The following SLC12A6 variants were observed in gnomAD, a reference collection of about 807,000 sequenced individuals.
SLC12A6 encodes K-Cl cotransporter 3.
SLC12A6 carries 66 observed loss-of-function variants against 135.3 expected under a neutral mutation model. The observed-to-expected ratio is 0.49, with a 90% confidence interval of 0.40 to 0.60. SLC12A6 has a LOEUF of 0.60. Among genes scored for constraint, SLC12A6 ranks in the 20% least tolerant of loss-of-function variants. The pLI, the probability that SLC12A6 is intolerant of heterozygous loss-of-function variation, is 0.00. For missense variants in SLC12A6, 1,058 were observed against 1,452.3 expected, an observed-to-expected ratio of 0.73 and a Z score of 4.41; for synonymous variants, 513 against 508.8, an observed-to-expected ratio of 1.01 and a Z score of -0.11.
Position 34,233,264 on chromosome 15 carries a change from A to G in SLC12A6, c.*617T>C, listed in dbSNP as rs1891053198. The G allele has an allele frequency of 6.4e-6, 1 of 155,346 alleles. No homozygotes were observed. The highest frequency in any genetic ancestry group is 1.4e-5 in the Non-Finnish European group (1 of 69,938). The allele number at this position is 155,346 out of a possible 1,614,324, so 9.6% of individuals were successfully genotyped here. A position where few individuals can be genotyped will look rare whatever the true frequency, so the allele number is the denominator to read the frequency against. Reference sequence around the variant, plus strand: ...AAGTATACACTGACACAGTATTTGGATATTTAAATCTGGTATTTTGGGGGG... The same window carrying G: ...AAGTATACACTGACACAGTATTTGGGTATTTAAATCTGGTATTTTGGGGGG... On this transcript the variant is annotated 3_prime_UTR_variant, in exon 26 of 26. Coordinates refer to ENST00000354181, the MANE Select transcript of SLC12A6 (RefSeq NM_001365088.1).
chr15:34,270,425 ATAAACT>A, intron 3 of SLC12A6, among the ~76,000 whole-genome samples: 1 of 152,230 alleles, frequency 6.6e-6, no homozygotes, highest in Non-Finnish European at 1.5e-5. Flanking sequence ...TTATGAACTC[ATAAACT>A]TAAATACTGG....
intron 2 of SLC12A6, among the ~76,000 whole-genome samples, chr15:34,312,130 T>A (rs1387629980): frequency 6.6e-6 from 1 of 152,226 alleles, no homozygotes; most frequent in Non-Finnish European, 1.5e-5. Flanking sequence ...AGGAAAGTAG[T>A]CCTTGAGAAG....
chr15:34,252,166 T>G lies in SLC12A6; in HGVS notation c.1333+4A>C, dbSNP rs1245990001. 2.0e-6 allele frequency: 3 copies of G among 1,487,852 alleles called. No homozygotes were observed. Among genetic ancestry groups the G allele is most frequent in the African/African-American group, 2.8e-5 (2 of 72,428 alleles). The allele number at this position is 1,487,852 out of a possible 1,614,324, so 92.2% of individuals were successfully genotyped here. A position where few individuals can be genotyped will look rare whatever the true frequency, so the allele number is the denominator to read the frequency against. ...AAAACTTGTCCAATAACTCCCTAAC[T>G]TACCTGTAATTATACCACTAGCCAA... On this transcript the variant is annotated splice_donor_region_variant and intron_variant, in intron 10 of 25. Transcript: ENST00000354181.
At chr15:34,309,697 G>T (rs1415594787) in intron 2 of SLC12A6, among the ~76,000 whole-genome samples, 1 of 152,106 alleles carries the variant, frequency 6.6e-6, no homozygotes, top group East Asian at 1.9e-4. Flanking sequence ...AACAGAATTG[G>T]GAAGATATTT....
Position 34,287,120 on chromosome 15 carries a change from C to A in SLC12A6, c.272-11731G>T, listed in dbSNP as rs543021976. ...AACCCGTCATCTACATTAGGTATTTCTCCTAATGTTATCCCTTCCCTACCC... is the reference window on the plus strand; with the variant it reads ...AACCCGTCATCTACATTAGGTATTTATCCTAATGTTATCCCTTCCCTACCC... On this transcript the variant is annotated intron_variant, in intron 2 of 25. Coordinates refer to ENST00000354181, the MANE Select transcript of SLC12A6 (RefSeq NM_001365088.1). Among the ~76,000 whole-genome samples the A allele has an allele frequency of 9.9e-5, 15 of 152,222 alleles. No individual in the cohort carries two copies. In the East Asian group the frequency reaches 2.9e-3, roughly 29 times the overall value.
rs1888433230 is a variant in SLC12A6, at chr15:34,313,847, C to A, written c.271+22563G>T. The stretch of plus-strand genomic sequence containing the variant: ...ACAAGCCAGGTGTAATGGTGCACAT[C>A]TGCAGTCTCAGCTACTAGGAGGCTG... On this transcript the variant is annotated intron_variant, in intron 2 of 25. Coordinates refer to ENST00000354181, the MANE Select transcript of SLC12A6 (RefSeq NM_001365088.1). 4.0e-5 allele frequency among the ~76,000 whole-genome samples: 6 copies of A among 151,686 alleles called. No homozygotes were observed. In the South Asian group the frequency reaches 1.0e-3, roughly 26 times the overall value.
chr15:34,314,064 T>C (rs1230086820), intron 2 of SLC12A6, among the ~76,000 whole-genome samples: 5 of 149,768 alleles, frequency 3.3e-5, no homozygotes, highest in Admixed American at 1.3e-4. Context: ...TTTTTTTTTT[T>C]TGAGACGTAG....
At chr15:34,265,416 C>CA (rs1035614224) in intron 3 of SLC12A6, among the ~76,000 whole-genome samples, 17 of 103,668 alleles carry the variant, frequency 1.6e-4, no homozygotes, top group Admixed American at 1.2e-3. Context: ...AAAAAAAAAA[C>CA]AAACAAAAAA....
chr15:34,235,980 A>T (rs185378817), intron 24 of SLC12A6, 35 bp downstream of exon 24: 789 of 1,539,592 alleles, frequency 5.1e-4, no homozygotes, highest in Non-Finnish European at 6.4e-4. Context: ...CTGATTAGGT[A>T]ATTTTATGAT....
At chr15:34,322,584 T>C (rs1335754501) in intron 2 of SLC12A6, among the ~76,000 whole-genome samples, 3 of 152,118 alleles carry the variant, frequency 2.0e-5, no homozygotes, top group Non-Finnish European at 4.4e-5. Flanking sequence ...TGGACACATA[T>C]GTAAAAAGAC....
At chr15:34,247,389 C>T (rs944441124) in intron 13 of SLC12A6, among the ~76,000 whole-genome samples, 3 of 151,422 alleles carry the variant, frequency 2.0e-5, no homozygotes, top group Admixed American at 6.6e-5. Context: ...TGGTGGCGGG[C>T]GCCTGTAGTC....
At chr15:34,278,676 A>G (rs1019664312) in intron 2 of SLC12A6, among the ~76,000 whole-genome samples, 2 of 151,664 alleles carry the variant, frequency 1.3e-5, no homozygotes, top group Admixed American at 6.6e-5. Flanking sequence ...GGTTCAAGCA[A>G]TTTTCTGCCT....
intron 3 of SLC12A6, among the ~76,000 whole-genome samples, chr15:34,269,433 T>G (rs1893758412): frequency 6.6e-6 from 1 of 152,090 alleles, no homozygotes; most frequent in South Asian, 2.1e-4. Context: ...ATTTGGGCCC[T>G]AGATAAATCT....
At chr15:34,315,765 C>T (rs550867500) in intron 2 of SLC12A6, among the ~76,000 whole-genome samples, 1 of 152,064 alleles carries the variant, frequency 6.6e-6, no homozygotes, top group African/African-American at 2.4e-5. Context: ...GCGGGCGGAT[C>T]ACGAAGTCAG....
At chr15:34,256,699 C>T (rs191840374) in intron 6 of SLC12A6, among the ~76,000 whole-genome samples, 12 of 152,334 alleles carry the variant, frequency 7.9e-5, no homozygotes, top group Admixed American at 7.2e-4. Flanking sequence ...TCTGAGCACA[C>T]AGGAACCGCA....
intron 3 of SLC12A6, among the ~76,000 whole-genome samples, chr15:34,266,264 G>T (rs1308997562): frequency 6.6e-6 from 1 of 152,014 alleles, no homozygotes; most frequent in East Asian, 1.9e-4. Flanking sequence ...CTAACCAAAA[G>T]AAAGCTGATA....
chr15:34,308,797 T>G (rs972292416), intron 2 of SLC12A6, among the ~76,000 whole-genome samples: 1 of 152,116 alleles, frequency 6.6e-6, no homozygotes, highest in African/African-American at 2.4e-5. Context: ...AACTTTCAAT[T>G]AATTTTGTTA....
chr15:34,324,965 TTTG>T (rs1266084206), intron 2 of SLC12A6, among the ~76,000 whole-genome samples: 1 of 152,154 alleles, frequency 6.6e-6, no homozygotes, highest in Non-Finnish European at 1.5e-5. Flanking sequence ...TAAGCCCCAA[TTTG>T]TTATTATTAG....
chr15:34,252,056 A>C (rs1892427731), intron 10 of SLC12A6, 114 bp downstream of exon 10: 2 of 692,416 alleles, frequency 2.9e-6, no homozygotes, highest in African/African-American at 1.8e-5. Context: ...GTGCTTAAGA[A>C]GGGAATTAGC....
Sources: gnomAD v4.1 joint callset for allele counts (sites outside exome capture counted in the v4.1 genomes callset) on GRCh38, gnomAD v4.1.1 for gene constraint, MANE v1.5 for transcripts, NCBI Gene and HGNC (gene_info 2026-07-23, HGNC 2026-07-21) for gene names.